The following RSBN1L variants were observed in gnomAD, a reference collection of about 807,000 sequenced individuals.
RSBN1L encodes the protein round spermatid basic protein 1 like.
A neutral mutation model predicts 67.7 loss-of-function variants in RSBN1L; 30 were observed. The observed-to-expected ratio is 0.44, with a 90% CI of 0.33 to 0.60. RSBN1L has a LOEUF of 0.60. Among genes scored for constraint, RSBN1L ranks in the 20% least tolerant of loss-of-function variants. The pLI is 0.02. For synonymous variants in RSBN1L, 433 were observed against 387.0 expected, an observed-to-expected ratio of 1.12 and a Z score of -1.39; for missense variants, 992 against 1,031.7, an observed-to-expected ratio of 0.96 and a Z score of 0.53.
chr7:77,748,620 G>C (rs1269613487), intron 2 of RSBN1L, among the ~76,000 whole-genome samples: 1 of 152,020 alleles, frequency 6.6e-6, no homozygotes, highest in Non-Finnish European at 1.5e-5. Flanking sequence ...GGGTAGCTGG[G>C]ATTACAGGTG....
At chr7:77,776,695 T>C (rs1398153253) in intron 6 of RSBN1L, among the ~76,000 whole-genome samples, 2 of 151,930 alleles carry the variant, frequency 1.3e-5, no homozygotes, top group African/African-American at 2.4e-5. Flanking sequence ...ATATTCCTTG[T>C]CCTGAAACTT....
intron 2 of RSBN1L, among the ~76,000 whole-genome samples, chr7:77,738,207 C>T (rs1391920267): frequency 6.6e-6 from 1 of 151,832 alleles, no homozygotes; most frequent in African/African-American, 2.4e-5. Context: ...CTCATATGTT[C>T]TTGATTGAAT....
intron 5 of RSBN1L, among the ~76,000 whole-genome samples, chr7:77,770,661 A>G (rs533084171): frequency 6.6e-6 from 1 of 152,310 alleles, no homozygotes; most frequent in East Asian, 1.9e-4. Context: ...AGCCTGGGTG[A>G]CAGAACCAGA....
chr7:77,706,537 C>G (rs576868808), intron 1 of RSBN1L, among the ~76,000 whole-genome samples: 2 of 152,198 alleles, frequency 1.3e-5, no homozygotes, highest in East Asian at 3.9e-4. Context: ...GTTAATTATC[C>G]CAGCCTAACC....
intron 3 of RSBN1L, among the ~76,000 whole-genome samples, chr7:77,750,365 A>G (rs1791541847): frequency 9.5e-6 from 1 of 105,744 alleles, no homozygotes; most frequent in Non-Finnish European, 1.8e-5. Flanking sequence ...TTAGCCATGT[A>G]TTTTCCAGTC....
chr7:77,725,630 C>CTATTT (rs767143063), intron 1 of RSBN1L, among the ~76,000 whole-genome samples: 38 of 151,628 alleles, frequency 2.5e-4, no homozygotes, highest in Non-Finnish European at 4.4e-4. Flanking sequence ...ATATCGTTTA[C>CTATTT]TATTTTATTT....
At position 77,696,763 on chromosome 7, in the gene RSBN1L, C is replaced by A. The variant is rs1318147296; in HGVS notation, c.294C>A (p.Ser98=). ...FAPLSAAPSP[S]SSRSSFSFSA... is the part of the protein sequence containing the mutation. Reference sequence around the variant, plus strand: ...CTCTGTCTGCTGCTCCCTCCCCGTCCTCTTCTCGGAGCAGTTTCTCTTTCT... The same window carrying A: ...CTCTGTCTGCTGCTCCCTCCCCGTCATCTTCTCGGAGCAGTTTCTCTTTCT... Residue 98 remains serine, a synonymous_variant, in exon 1 of 8, where the codon TCC becomes TCA. Transcript: ENST00000334955. 1 of 1,613,864 alleles carries A rather than the reference C, an allele frequency of 6.2e-7. No individual in the cohort carries two copies. Among genetic ancestry groups the A allele is most frequent in the East Asian group, 2.2e-5 (1 of 44,882 alleles).
At chr7:77,713,391 C>T (rs552902838) in intron 1 of RSBN1L, among the ~76,000 whole-genome samples, 1 of 150,534 alleles carries the variant, frequency 6.6e-6, no homozygotes, top group East Asian at 2.0e-4. Context: ...GAGTCTCACT[C>T]TGTCGCCCAG....
chr7:77,767,008 T>C (rs1791774526), intron 4 of RSBN1L, among the ~76,000 whole-genome samples: 1 of 149,334 alleles, frequency 6.7e-6, no homozygotes, highest in African/African-American at 2.5e-5. Flanking sequence ...ATTTCTCCTT[T>C]CCTTTCCTTC....
At chr7:77,766,429 C>G (rs1304020687) in intron 4 of RSBN1L, among the ~76,000 whole-genome samples, 1 of 152,128 alleles carries the variant, frequency 6.6e-6, no homozygotes, top group Admixed American at 6.5e-5. Flanking sequence ...AAGTGATCCT[C>G]CTGTCTTGGC....
intron 1 of RSBN1L, among the ~76,000 whole-genome samples, chr7:77,730,327 C>T (rs1380431105): frequency 6.6e-6 from 1 of 152,202 alleles, no homozygotes. Flanking sequence ...CCGACACTTG[C>T]ATAGCCTTCC....
intron 1 of RSBN1L, among the ~76,000 whole-genome samples, chr7:77,700,097 C>T (rs780477373): frequency 3.3e-5 from 5 of 152,052 alleles, no homozygotes; most frequent in Non-Finnish European, 7.4e-5. Context: ...GCCTGGCCAA[C>T]ATTTTAGATT....
chr7:77,727,183 G>T (rs181065669), intron 1 of RSBN1L, among the ~76,000 whole-genome samples: 1 of 152,076 alleles, frequency 6.6e-6, no homozygotes, highest in Non-Finnish European at 1.5e-5. Flanking sequence ...CGCCTCCTAG[G>T]TTCAAGCGAT....
At position 77,764,205 on chromosome 7, in the gene RSBN1L, T is replaced by C. The variant is rs182163807; in HGVS notation, c.1345-1290T>C. Among the ~76,000 whole-genome samples the C allele has an allele frequency of 1.7e-4, 26 of 152,334 alleles. No individual in the cohort carries two copies. In the East Asian group the frequency reaches 4.2e-3, roughly 25 times the overall value. On this transcript the variant is annotated intron_variant, in intron 3 of 7. Coordinates refer to ENST00000334955, the MANE Select transcript of RSBN1L (RefSeq NM_198467.3). ...TCCTGGGCAAACTGGGACAAATTGGTCTCCTAAATTTGTTGTCCACAAAGG... is the reference window on the plus strand; with the variant it reads ...TCCTGGGCAAACTGGGACAAATTGGCCTCCTAAATTTGTTGTCCACAAAGG...
intron 1 of RSBN1L, among the ~76,000 whole-genome samples, chr7:77,703,505 T>TA (rs1790847467): frequency 8.6e-6 from 1 of 116,702 alleles, no homozygotes; most frequent in African/African-American, 3.3e-5. Flanking sequence ...TTTTTTTTTT[T>TA]TTGAGAAGGA....
At chr7:77,744,396 T>C (rs1028004246) in intron 2 of RSBN1L, among the ~76,000 whole-genome samples, 3 of 151,792 alleles carry the variant, frequency 2.0e-5, no homozygotes, top group Non-Finnish European at 4.4e-5. Context: ...AACCTAAATA[T>C]GATATTTTGA....
Position 77,724,721 on chromosome 7 carries a change from C to T in RSBN1L, c.587-11689C>T, listed in dbSNP as rs201726566. 7.2e-5 allele frequency among the ~76,000 whole-genome samples: 11 copies of T among 151,914 alleles called. No individual in the cohort carries two copies. In the East Asian group the frequency reaches 7.7e-4, roughly 11 times the overall value. On this transcript the variant is annotated intron_variant, in intron 1 of 7. Coordinates refer to ENST00000334955, the MANE Select transcript of RSBN1L (RefSeq NM_198467.3). ...GATTACAGACATGGGCCACTGCGCC[C>T]GGCCATGAATCCCTTTCTATTGTAG...
rs762523862 is a variant in RSBN1L at position 77,696,508 on chromosome 7, C to T, written c.39C>T (p.Ala13=). 10 of 1,613,524 alleles carry T rather than the reference C, an allele frequency of 6.2e-6. No homozygotes were observed. The highest frequency in any genetic ancestry group is 8.5e-6 in the Non-Finnish European group (10 of 1,179,798). ...EPPSPVHCVA[A]AAPTATVSEK... is the part of the protein sequence containing the mutation. ...CGAGCCCCGTGCACTGTGTCGCTGC[C>T]GCGGCCCCCACCGCCACCGTCTCGG... The change falls in exon 1 of 8, where the codon GCC becomes GCT. Residue 13 remains alanine (A), a synonymous_variant. Transcript: ENST00000334955.
rs757741343 is a variant in RSBN1L, at chr7:77,696,989, G to A, written c.520G>A (p.Gly174Ser). 11 of 1,544,256 alleles carry A rather than the reference G, an allele frequency of 7.1e-6. No individual in the cohort carries two copies. The highest frequency in any genetic ancestry group is 1.4e-5 in the African/African-American group (1 of 73,276). The change falls in exon 1 of 8, where the codon GGT becomes AGT. Residue 174 changes from glycine (G) to serine (S), a missense_variant. Coordinates refer to ENST00000334955, the MANE Select transcript of RSBN1L (RefSeq NM_198467.3). ...GAAGGAGAGGAGGAGGCACGGTCTC[G>A]GTGGGGCCCGAGAGGCCGGCGGGGC... ...REKERRRHGL[G>S]GAREAGGASR...
Sources: allele counts gnomAD v4.1 joint callset (sites outside exome capture counted in the v4.1 genomes callset), GRCh38; gene constraint gnomAD v4.1.1; transcripts MANE v1.5; gene names NCBI Gene and HGNC (gene_info 2026-07-23, HGNC 2026-07-21).